Variants in COQ6 observed in about 807,000 individuals in gnomAD.
COQ6 encodes coenzyme Q6, monooxygenase.
A neutral mutation model predicts 55.5 loss-of-function variants in COQ6; 45 were observed. The observed-to-expected ratio is 0.81, with a 90% CI of 0.64 to 1.04. The LOEUF is 1.04. Ranked by LOEUF, COQ6 falls within the 50% of genes least tolerant of loss-of-function variation. The pLI is 0.00. For missense variants in COQ6, 550 were observed against 601.3 expected (o/e 0.91, Z 0.89); for synonymous variants, 206 against 230.5 (o/e 0.89, Z 0.96).
rs180946215 is a variant in COQ6, at chr14:73,953,444, T to G, written c.173T>G (p.Ile58Ser). 3 of 1,613,574 alleles carry G rather than the reference T, an allele frequency of 1.9e-6. No homozygotes were observed. The highest frequency in any genetic ancestry group is 2.7e-5 in the African/African-American group (2 of 74,922). Residue 58 changes from isoleucine (I) to serine (S), a missense_variant, in exon 2 of 12, where the codon ATT (isoleucine) becomes AGT (serine). Transcript: ENST00000334571. ...ATTTTCTTTTTTTAAGGATATGATA[T>G]TCACTTTCATGACAAGAAAATCCTG... ...AAMACALGYD[I>S]HFHDKKILLL...
chr14:73,955,248 C>T (rs980108153), intron 2 of COQ6: 52 of 618,356 alleles, frequency 8.4e-5, no homozygotes, highest in Admixed American at 2.4e-4. Flanking sequence ...CCACCGCGCC[C>T]GGCAGAAGCT....
chr14:73,961,897 A>G lies in COQ6; in HGVS notation c.1371A>G (p.Pro457=). The change falls in exon 11 of 12, where the codon CCA becomes CCG. Residue 457 remains proline, a synonymous_variant. Coordinates refer to ENST00000334571, the MANE Select transcript of COQ6 (RefSeq NM_182476.3). The part of the protein sequence containing the change: ...WGLQATNAVS[P]LKEQIMAFAS... ...TGCAGGCCACAAATGCAGTGTCTCC[A>G]CTCAAAGTAAGAGGTTGCTCAGAGG... 1 of 1,614,060 alleles carries G rather than the reference A, an allele frequency of 6.2e-7. No homozygotes were observed. Among genetic ancestry groups the G allele is most frequent in the African/African-American group, 1.3e-5 (1 of 75,020 alleles).
Position 73,950,473 on chromosome 14 carries a change from C to G in COQ6, c.141C>G (p.Gly47=). The part of the protein sequence containing the change: ...DVVVSGGGLV[G]AAMACALGYD... Reference sequence around the variant, plus strand: ...TGGTGTCGGGTGGAGGCCTGGTGGGCGCTGCCATGGCCTGTGCCTTGGGTA... The same window carrying G: ...TGGTGTCGGGTGGAGGCCTGGTGGGGGCTGCCATGGCCTGTGCCTTGGGTA... The change falls in exon 1 of 12, where the codon GGC becomes GGG. Residue 47 remains glycine, a synonymous_variant. Coordinates refer to ENST00000334571, the MANE Select transcript of COQ6 (RefSeq NM_182476.3). 6.2e-7 allele frequency: 1 copy of G among 1,609,050 alleles called. No individual in the cohort carries two copies. Among genetic ancestry groups the G allele is most frequent in the East Asian group, 2.2e-5 (1 of 44,746 alleles).
At chr14:73,958,353 C>T (rs3764859) in intron 5 of COQ6, 76 bp downstream of exon 5, 33 of 1,605,542 alleles carry the variant, frequency 2.1e-5, no homozygotes, top group African/African-American at 1.3e-4. Context: ...CTCTGGTTTT[C>T]GATTTAAGCT....
In COQ6 at chr14:73,961,501, A is replaced by AT. The variant is rs777443517; in HGVS notation, c.1142dup (p.Met381IlefsTer33). Reference sequence around the variant, plus strand: ...TCCGCTTGCAGGACAGGGTGTCAACATGGGCTTTGGGGATATCTCCAGCTT... The same window carrying AT: ...TCCGCTTGCAGGACAGGGTGTCAACATTGGGCTTTGGGGATATCTCCAGCTT... On this transcript the variant is annotated frameshift_variant, in exon 10 of 12. Transcript: ENST00000334571. LOFTEE classifies it high-confidence loss of function. 2 of 1,614,174 alleles carry AT rather than the reference A, an allele frequency of 1.2e-6. No homozygotes were observed. Among genetic ancestry groups the AT allele is most frequent in the Admixed American group, 3.3e-5 (2 of 60,014 alleles).
intron 8 of COQ6, chr14:73,960,936 T>G: frequency 1.6e-6 from 1 of 607,646 alleles, no homozygotes; most frequent in Non-Finnish European, 2.9e-6. Flanking sequence ...TAGTGAAAGG[T>G]GAAGCTCAGA....
At position 73,958,993 on chromosome 14, in the gene COQ6, C is replaced by G. The variant is rs145357086; in HGVS notation, c.635C>G (p.Ser212Cys). 3 of 1,613,954 alleles carry G rather than the reference C, an allele frequency of 1.9e-6. No individual in the cohort carries two copies. The African/African-American group carries it at 4.0e-5, about 22-fold the overall frequency. Residue 212 changes from serine to cysteine, a missense_variant, in exon 6 of 12, where the codon TCC becomes TGC. Coordinates refer to ENST00000334571, the MANE Select transcript of COQ6 (RefSeq NM_182476.3). Reference protein sequence around the residue: ...KLLIGADGHNSGVRQAVGIQN... With the variant: ...KLLIGADGHNCGVRQAVGIQN... Reference sequence around the variant, plus strand: ...CAGATAGGTGCAGATGGTCACAACTCCGGAGTACGGCAGGCTGTTGGAATC... The same window carrying G: ...CAGATAGGTGCAGATGGTCACAACTGCGGAGTACGGCAGGCTGTTGGAATC...
Position 73,963,250 on chromosome 14 carries a change from T to C in COQ6, c.*251T>C. On this transcript the variant is annotated 3_prime_UTR_variant, in exon 12 of 12. Transcript: ENST00000334571. ...TACAATTTGGTTGAAAAGAGCTTTT[T>C]ATTACTAAAAAACCCACAAGGTGCT... 3.5e-6 allele frequency: 2 copies of C among 567,470 alleles called. No individual in the cohort carries two copies. The highest frequency in any genetic ancestry group is 6.2e-6 in the Non-Finnish European group (2 of 321,452). 35.2% of individuals were successfully genotyped at this position (567,470 alleles called of 1,614,324 possible). A position where few individuals can be genotyped will look rare whatever the true frequency, so the allele number is the denominator to read the frequency against.
At chr14:73,949,990 C>T, upstream of COQ6, 2 of 1,613,498 alleles carry the variant, frequency 1.2e-6, no homozygotes, top group Non-Finnish European at 1.7e-6. Flanking sequence ...CTCCCCTCCG[C>T]GCCTCCGGGG....
rs758998842 is a variant in COQ6 at position 73,959,149 on chromosome 14, C to T, written c.721-13C>T. 5 of 1,614,178 alleles carry T rather than the reference C, an allele frequency of 3.1e-6. No individual in the cohort carries two copies. In the Admixed American group the frequency reaches 5.0e-5, roughly 16 times the overall value. On this transcript the variant is annotated splice_polypyrimidine_tract_variant and intron_variant, in intron 6 of 11. Transcript: ENST00000334571. ...GGTACTTCACAGAGAAACTTTTCTC[C>T]TCTCTGTTGCAGGCCACAGAAAACA...
intron 8 of COQ6, chr14:73,959,891 G>A: frequency 8.2e-7 from 1 of 1,219,974 alleles, no homozygotes; most frequent in African/African-American, 1.6e-5. Flanking sequence ...TTTGAGTCAG[G>A]AAAAAGGAGT....
chr14:73,955,126 G>T (rs2056371918), intron 2 of COQ6, among the ~76,000 whole-genome samples: 1 of 151,086 alleles, frequency 6.6e-6, no homozygotes. Context: ...CTGATTTTTT[G>T]TATTTTTTAG....
chr14:73,957,873 A>G (rs2056517368), intron 4 of COQ6: 1 of 424,332 alleles, frequency 2.4e-6, no homozygotes, highest in East Asian at 5.2e-5. Flanking sequence ...TTAAGCGTAG[A>G]GTGAAAATGG....
intron 4 of COQ6, among the ~76,000 whole-genome samples, chr14:73,957,457 C>G (rs1485697276): frequency 6.6e-6 from 1 of 152,126 alleles, no homozygotes; most frequent in African/African-American, 2.4e-5. Context: ...TGTATACAGG[C>G]TGATGTTTTT....
At position 73,952,075 on chromosome 14, in the gene COQ6, C is replaced by T. The variant is rs531653919; in HGVS notation, c.164-1360C>T. On this transcript the variant is annotated intron_variant, in intron 1 of 11. Transcript: ENST00000334571. ...GCCCCATCCTCCACAGCAAAAGCTG[C>T]CAAGATGGACCGCTCACTGTCTGTA... Among the ~76,000 whole-genome samples the T allele has an allele frequency of 9.4e-5, 14 of 148,840 alleles. No individual in the cohort carries two copies. In the South Asian group the frequency reaches 2.8e-3, roughly 29 times the overall value.
intron 10 of COQ6, 38 bp downstream of exon 10, chr14:73,961,608 C>A: frequency 6.2e-7 from 1 of 1,609,910 alleles, no homozygotes; most frequent in South Asian, 1.1e-5. Context: ...ATCCAGAGGT[C>A]ATATAGTTAG....
chr14:73,950,018 C>T (rs2056123601), upstream of COQ6: 3 of 1,612,790 alleles, frequency 1.9e-6, no homozygotes, highest in African/African-American at 2.7e-5. Context: ...CAGGCCTCCC[C>T]ACGGTCATTT....
At chr14:73,950,638 A>AG (rs2056152546) in intron 1 of COQ6, 143 bp downstream of exon 1, 4 of 1,284,766 alleles carry the variant, frequency 3.1e-6, no homozygotes, top group Admixed American at 5.4e-5. Flanking sequence ...GAGGAACCCC[A>AG]GGGCACGCCG....
In COQ6 at chr14:73,959,150, TCTCTGTTGCAGG is replaced by T; in HGVS notation, c.721-10_722del. On this transcript the variant is annotated splice_acceptor_variant and splice_polypyrimidine_tract_variant and coding_sequence_variant and intron_variant, in exon 7 of 12. Coordinates refer to ENST00000334571, the MANE Select transcript of COQ6 (RefSeq NM_182476.3). LOFTEE classifies it high-confidence loss of function. ...GTACTTCACAGAGAAACTTTTCTCC[TCTCTGTTGCAGG>T]CCACAGAAAACAACGTAGCCTGGCA... The T allele has an allele frequency of 6.2e-7, 1 of 1,614,186 alleles. No homozygotes were observed. Among genetic ancestry groups the T allele is most frequent in the Non-Finnish European group, 8.5e-7 (1 of 1,180,020 alleles).
Sources: allele counts gnomAD v4.1 joint callset (sites outside exome capture counted in the v4.1 genomes callset), GRCh38; gene constraint gnomAD v4.1.1; transcripts MANE v1.5; gene names NCBI Gene and HGNC (gene_info 2026-07-23, HGNC 2026-07-21).